Variants in RORA observed in about 807,000 individuals in gnomAD.
RORA encodes the protein RAR related orphan receptor A, also known as nuclear receptor ROR-alpha.
In RORA, 7 loss-of-function variants were observed where a neutral mutation model predicts 69.5. The ratio of observed to expected loss-of-function variants is 0.10; its 90% CI spans 0.06 to 0.19. The LOEUF (loss-of-function observed/expected upper bound fraction) is 0.19. RORA is among the 10% of genes least tolerant of loss of function. The pLI, the probability that RORA is intolerant of heterozygous loss-of-function variation, is 1.00. For missense variants in RORA, 457 were observed against 663.0 expected (o/e 0.69, Z 3.41); for synonymous variants, 261 against 240.8 (o/e 1.08, Z -0.78).
At chr15:61,048,198 T>A (rs532826759) in intron 1 of RORA, among the ~76,000 whole-genome samples, 1 of 152,340 alleles carries the variant, frequency 6.6e-6, no homozygotes, top group Non-Finnish European at 1.5e-5. Flanking sequence ...TTAAGTAAGA[T>A]TATGCTGGTG....
intron 1 of RORA, among the ~76,000 whole-genome samples, chr15:61,204,672 C>G (rs1362864681): frequency 4.6e-5 from 7 of 152,152 alleles, no homozygotes; most frequent in African/African-American, 7.2e-5. Context: ...CACTTTGGTC[C>G]CAGTGTCCAT....
intron 1 of RORA, among the ~76,000 whole-genome samples, chr15:61,130,734 G>C (rs7183595): frequency 0.55 from 83,693 of 151,592 alleles, 24,616 homozygotes; most frequent in Non-Finnish European, 0.68. Context: ...GTACATGGTA[G>C]TTGTTGGTAG....
intron 1 of RORA, among the ~76,000 whole-genome samples, chr15:61,153,516 T>A (rs925703016): frequency 3.3e-5 from 5 of 152,204 alleles, no homozygotes. Flanking sequence ...CCACTCATAG[T>A]GCCAGAGAGA....
chr15:60,853,275 G>A (rs1416912213), intron 1 of RORA, among the ~76,000 whole-genome samples: 1 of 152,154 alleles, frequency 6.6e-6, no homozygotes, highest in Non-Finnish European at 1.5e-5. Flanking sequence ...AGGTCAGGGG[G>A]GCTGTCTGCA....
intron 1 of RORA, among the ~76,000 whole-genome samples, chr15:61,179,805 C>A (rs879893466): frequency 5.9e-5 from 9 of 152,046 alleles, no homozygotes; most frequent in Admixed American, 1.3e-4. Flanking sequence ...TCCTCCACAC[C>A]TGCTTACACA....
At chr15:60,964,581 C>T (rs1386092875) in intron 1 of RORA, among the ~76,000 whole-genome samples, 2 of 152,150 alleles carry the variant, frequency 1.3e-5, no homozygotes, top group Non-Finnish European at 2.9e-5. Flanking sequence ...AGTAAATACT[C>T]CAGGGCCCTG....
chr15:60,786,036 C>T (rs907167169), intron 1 of RORA, among the ~76,000 whole-genome samples: 4 of 152,206 alleles, frequency 2.6e-5, no homozygotes, highest in Non-Finnish European at 2.9e-5. Context: ...AATAACTTCA[C>T]CAAAATCTTT....
intron 2 of RORA, among the ~76,000 whole-genome samples, chr15:60,672,077 T>A (rs946292658): frequency 6.6e-6 from 1 of 151,968 alleles, no homozygotes; most frequent in South Asian, 2.1e-4. Context: ...ACAGAGCGAG[T>A]CCCCTTCTAA....
chr15:60,967,375 T>A (rs1375418397), intron 1 of RORA, among the ~76,000 whole-genome samples: 2 of 152,168 alleles, frequency 1.3e-5, no homozygotes, highest in Non-Finnish European at 2.9e-5. Context: ...GAATTTGAAT[T>A]GGGAATCAGC....
chr15:61,016,775 T>C (rs965871793), intron 1 of RORA, among the ~76,000 whole-genome samples: 2 of 152,098 alleles, frequency 1.3e-5, no homozygotes, highest in Non-Finnish European at 2.9e-5. Flanking sequence ...AGTGTGAAAA[T>C]GTGCCTCGTT....
chr15:61,155,614 A>G (rs2079435562), intron 1 of RORA, among the ~76,000 whole-genome samples: 1 of 152,222 alleles, frequency 6.6e-6, no homozygotes, highest in South Asian at 2.1e-4. Flanking sequence ...CTATCAGGCA[A>G]CAGAGACCGA....
intron 3 of RORA, among the ~76,000 whole-genome samples, chr15:60,517,393 C>G (rs1369815184): frequency 6.6e-6 from 1 of 152,070 alleles, no homozygotes; most frequent in African/African-American, 2.4e-5. Flanking sequence ...TACTTTAACT[C>G]TACCCTTGAT....
intron 1 of RORA, among the ~76,000 whole-genome samples, chr15:61,145,958 C>A (rs772653456): frequency 1.3e-4 from 20 of 152,162 alleles, no homozygotes; most frequent in Admixed American, 5.9e-4. Context: ...GTGAAGGATG[C>A]TTCTCTCAAA....
At chr15:60,783,144 T>TA (rs1411133996) in intron 1 of RORA, among the ~76,000 whole-genome samples, 2 of 152,002 alleles carry the variant, frequency 1.3e-5, no homozygotes, top group East Asian at 1.9e-4. Context: ...AATGGAATAG[T>TA]AAAAAAAAGA....
intron 1 of RORA, among the ~76,000 whole-genome samples, chr15:60,800,229 T>A (rs2072559411): frequency 6.6e-6 from 1 of 152,218 alleles, no homozygotes; most frequent in Non-Finnish European, 1.5e-5. Context: ...ACACTACTGA[T>A]ACAAATACTT....
At chr15:61,176,212 T>C (rs190543298) in intron 1 of RORA, 1 of 152,244 alleles carries the variant, frequency 6.6e-6, no homozygotes, top group African/African-American at 2.4e-5. Context: ...AGGTTGCACA[T>C]GTGTTCAAAC....
At chr15:60,971,713 C>T (rs986462527) in intron 1 of RORA, among the ~76,000 whole-genome samples, 8 of 152,242 alleles carry the variant, frequency 5.3e-5, no homozygotes, top group Non-Finnish European at 1.0e-4. Context: ...CTTTTACAGA[C>T]ATGAATGGTG....
At chr15:60,771,344 C>T (rs1260229981) in intron 1 of RORA, among the ~76,000 whole-genome samples, 9 of 152,296 alleles carry the variant, frequency 5.9e-5, no homozygotes, top group South Asian at 2.1e-4. Context: ...CCAGTGAGCT[C>T]GTTCTGTGTG....
At chr15:60,580,408 C>T (rs1388765579) in intron 2 of RORA, among the ~76,000 whole-genome samples, 1 of 152,212 alleles carries the variant, frequency 6.6e-6, no homozygotes, top group Non-Finnish European at 1.5e-5. Context: ...GTTTTATGTT[C>T]TCAAGCATAA....
Sources: gnomAD v4.1 joint callset for allele counts (sites outside exome capture counted in the v4.1 genomes callset) on GRCh38, gnomAD v4.1.1 for gene constraint, MANE v1.5 for transcripts, NCBI Gene and HGNC (gene_info 2026-07-23, HGNC 2026-07-21) for gene names.